RYR3: variants seen among roughly 807,000 people sequenced by gnomAD.
RYR3 encodes brain ryanodine receptor-calcium release channel.
A neutral mutation model predicts 584.3 loss-of-function variants in RYR3; 207 were observed. That is an observed-to-expected ratio of 0.35 (90% CI 0.32 to 0.40). The LOEUF is 0.40. RYR3 is among the 10% of genes least tolerant of loss of function. The pLI, the probability that RYR3 is intolerant of heterozygous loss-of-function variation, is 1.00. For missense variants in RYR3, 5,616 were observed against 6,089.2 expected, an observed-to-expected ratio of 0.92 and a Z score of 2.59; for synonymous variants, 2,416 against 2,248.5, an observed-to-expected ratio of 1.07 and a Z score of -2.11.
intron 43 of RYR3, among the ~76,000 whole-genome samples, chr15:33,713,470 G>A (rs2067266183): frequency 6.6e-6 from 1 of 151,874 alleles, no homozygotes; most frequent in African/African-American, 2.4e-5. Flanking sequence ...CATATAGGGG[G>A]GTTATAAGGG....
intron 38 of RYR3, among the ~76,000 whole-genome samples, chr15:33,695,279 G>A (rs1288096936): frequency 6.6e-6 from 1 of 152,100 alleles, no homozygotes; most frequent in African/African-American, 2.4e-5. Context: ...GTGCCTTCCC[G>A]GCCATTCCAA....
In RYR3 at chr15:33,834,956, T is replaced by C; in HGVS notation, c.11464-12T>C. 6.2e-7 allele frequency: 1 copy of C among 1,611,772 alleles called. No homozygotes were observed. The highest frequency in any genetic ancestry group is 1.1e-5 in the South Asian group (1 of 90,972). ...ATGTTTAAGTGACATAAGAATGTCCTCTTCTCTGCAGGGCCCTTGCATTGG... is the reference window on the plus strand; with the variant it reads ...ATGTTTAAGTGACATAAGAATGTCCCCTTCTCTGCAGGGCCCTTGCATTGG... On this transcript the variant is annotated splice_polypyrimidine_tract_variant and intron_variant, in intron 86 of 103. Coordinates refer to ENST00000634891, the MANE Select transcript of RYR3 (RefSeq NM_001036.6).
intron 32 of RYR3, among the ~76,000 whole-genome samples, chr15:33,655,546 T>C (rs1470950050): frequency 6.6e-6 from 1 of 152,240 alleles, no homozygotes; most frequent in African/African-American, 2.4e-5. Flanking sequence ...ACCATCCTTC[T>C]GGGTGACATA....
Position 33,543,686 on chromosome 15 carries a change from A to G in RYR3, c.711A>G (p.Pro237=), listed in dbSNP as rs1254941362. 2.5e-6 allele frequency: 4 copies of G among 1,612,480 alleles called. No homozygotes were observed. The highest frequency in any genetic ancestry group is 2.2e-5 in the South Asian group (2 of 91,056). The part of the protein sequence containing the change: ...FHGHDECLTI[P]STDQNDSQHR... ...GTCATGATGAATGTTTGACGATACC[A>G]TCTACAGACCAGAATGATTCCCAGC... Residue 237 remains proline (P), a synonymous_variant, in exon 8 of 104, where the codon CCA becomes CCG. Coordinates refer to ENST00000634891, the MANE Select transcript of RYR3 (RefSeq NM_001036.6).
intron 8 of RYR3, 53 bp from the exon 9 acceptor site, chr15:33,548,077 G>A (rs549839107): frequency 7.6e-6 from 10 of 1,316,918 alleles, no homozygotes; most frequent in Middle Eastern, 1.8e-4. Flanking sequence ...TTCTTCACCC[G>A]GGTGCTGATC....
At chr15:33,585,921 A>G (rs2058826348) in intron 15 of RYR3, 77 bp from the exon 16 acceptor site, 1 of 813,620 alleles carries the variant, frequency 1.2e-6, no homozygotes. Flanking sequence ...AGGACTGTTC[A>G]TACTCAGGTT....
At chr15:33,321,334 A>G (rs1968933744) in intron 1 of RYR3, among the ~76,000 whole-genome samples, 1 of 152,184 alleles carries the variant, frequency 6.6e-6, no homozygotes. Context: ...TCCTTGCTAC[A>G]TACTTCACTG....
intron 42 of RYR3, among the ~76,000 whole-genome samples, chr15:33,702,184 C>A (rs1056265731): frequency 4.6e-5 from 7 of 152,124 alleles, no homozygotes; most frequent in African/African-American, 1.7e-4. Flanking sequence ...GAGCGCTGGG[C>A]TGTGGAGGCA....
intron 52 of RYR3, among the ~76,000 whole-genome samples, chr15:33,743,555 C>T (rs1407797221): frequency 6.6e-6 from 1 of 152,190 alleles, no homozygotes; most frequent in Admixed American, 6.5e-5. Context: ...TGCTCTAGAG[C>T]ATCTGCGTTT....
intron 1 of RYR3, among the ~76,000 whole-genome samples, chr15:33,458,456 G>A (rs879548920): frequency 1.8e-4 from 27 of 152,266 alleles, no homozygotes; most frequent in Non-Finnish European, 3.5e-4. Flanking sequence ...CAGAGGCCAC[G>A]TCGTGGGACT....
chr15:33,586,158 C>A (rs752905951), intron 16 of RYR3, 42 bp downstream of exon 16: 1 of 1,122,292 alleles, frequency 8.9e-7, no homozygotes, highest in Admixed American at 1.7e-5. Context: ...CCTGGTGTTT[C>A]CCTCCCCAAT....
chr15:33,862,105 A>AT (rs1401518726), intron 102 of RYR3, among the ~76,000 whole-genome samples: 2 of 152,084 alleles, frequency 1.3e-5, no homozygotes, highest in East Asian at 3.8e-4. Flanking sequence ...TTATTACCTG[A>AT]TAACTCAGAC....
intron 10 of RYR3, among the ~76,000 whole-genome samples, chr15:33,552,066 C>T (rs771134342): frequency 1.3e-5 from 2 of 152,200 alleles, no homozygotes; most frequent in African/African-American, 2.4e-5. Context: ...CCTTGACCCA[C>T]TCGGGATATG....
chr15:33,618,553 A>G (rs1021213470), intron 19 of RYR3, among the ~76,000 whole-genome samples: 1 of 152,238 alleles, frequency 6.6e-6, no homozygotes, highest in African/African-American at 2.4e-5. Context: ...AGTCTTAGCG[A>G]TAGGGGCTAA....
Position 33,494,741 on chromosome 15 carries a change from C to G in RYR3, c.172-8890C>G, listed in dbSNP as rs35137756. 4.4e-3 allele frequency among the ~76,000 whole-genome samples: 667 copies of G among 152,308 alleles called. 3 individuals carry two copies. Among genetic ancestry groups the G allele is most frequent in the Non-Finnish European group, 7.0e-3 (474 of 68,022 alleles). ...ATATAATTGCTTTTGTTAGCAGTGT[C>G]TAAACAACATTATAGCTCAAATGTT... On this transcript the variant is annotated intron_variant, in intron 2 of 103. Coordinates refer to ENST00000634891, the MANE Select transcript of RYR3 (RefSeq NM_001036.6).
chr15:33,618,332 T>C (rs1278372744), intron 19 of RYR3, among the ~76,000 whole-genome samples: 1 of 152,232 alleles, frequency 6.6e-6, no homozygotes, highest in Non-Finnish European at 1.5e-5. Flanking sequence ...TTGTTTTCTG[T>C]TGGTATTCTC....
At chr15:33,809,440 C>A (rs1187709675) in intron 70 of RYR3, among the ~76,000 whole-genome samples, 1 of 152,134 alleles carries the variant, frequency 6.6e-6, no homozygotes, top group Non-Finnish European at 1.5e-5. Context: ...ACCACGTGAG[C>A]AGCTCTGTGT....
chr15:33,802,068 A>G (rs1220172650), intron 69 of RYR3, 107 bp downstream of exon 69: 5 of 798,846 alleles, frequency 6.3e-6, no homozygotes, highest in African/African-American at 1.7e-5. Flanking sequence ...CATTTAGGTC[A>G]AACTACATGA....
chr15:33,388,338 G>A (rs1169949167), intron 1 of RYR3, among the ~76,000 whole-genome samples: 1 of 152,160 alleles, frequency 6.6e-6, no homozygotes, highest in African/African-American at 2.4e-5. Flanking sequence ...AAGTAAAAGG[G>A]AAGATGGTAT....
Sources: allele counts gnomAD v4.1 joint callset (sites outside exome capture counted in the v4.1 genomes callset), GRCh38; gene constraint gnomAD v4.1.1; transcripts MANE v1.5; gene names NCBI Gene and HGNC (gene_info 2026-07-23, HGNC 2026-07-21).